Variants in JAKMIP1 observed in about 807,000 individuals in gnomAD.
JAKMIP1 encodes janus kinase and microtubule interacting protein 1, also known as janus kinase and microtubule-interacting protein 1.
In JAKMIP1, 33 loss-of-function variants were observed where a neutral mutation model predicts 113.0. The ratio of observed to expected loss-of-function variants is 0.29; its 90% CI spans 0.22 to 0.39. The LOEUF (loss-of-function observed/expected upper bound fraction) is 0.39, where lower values mean the gene tolerates loss of function less well. Among genes scored for constraint, JAKMIP1 ranks in the 10% least tolerant of loss-of-function variants. The pLI is 1.00. For synonymous variants in JAKMIP1, 480 were observed against 459.9 expected, an observed-to-expected ratio of 1.04 and a Z score of -0.56; for missense variants, 813 against 1,080.5, an observed-to-expected ratio of 0.75 and a Z score of 3.47.
Position 6,062,182 on chromosome 4 carries a change from C to T in JAKMIP1, c.1560+130G>A, listed in dbSNP as rs902051866. On this transcript the variant is annotated intron_variant, in intron 10 of 20. Transcript: ENST00000409021. ...GAATGTCACCACAGCAGAGACCTTG[C>T]TATGGGTTCCCCACCACCTCTCAGA... 2.7e-5 allele frequency: 26 copies of T among 955,972 alleles called. No individual in the cohort carries two copies. In the Middle Eastern group the frequency reaches 9.8e-4, roughly 36 times the overall value. The allele number at this position is 955,972 out of a possible 1,614,324, so 59.2% of individuals were successfully genotyped here.
chr4:6,152,223 G>C (rs1030063674), intron 1 of JAKMIP1, among the ~76,000 whole-genome samples: 1 of 152,184 alleles, frequency 6.6e-6, no homozygotes, highest in Admixed American at 6.5e-5. Context: ...ACCAGCAAAC[G>C]CTGCTCTAAA....
rs747513456 is a variant in JAKMIP1, at chr4:6,167,709, T to C, written c.-148+32544A>G. 1.3e-5 allele frequency among the ~76,000 whole-genome samples: 2 copies of C among 152,196 alleles called. No homozygotes were observed. Among genetic ancestry groups the C allele is most frequent in the Admixed American group, 6.5e-5 (1 of 15,284 alleles). Reference sequence around the variant, plus strand: ...CGTGTCAGCTCCCTCCACCCCACCATGAATGTACTGCTATCCTCACTTTAC... The same window carrying C: ...CGTGTCAGCTCCCTCCACCCCACCACGAATGTACTGCTATCCTCACTTTAC... On this transcript the variant is annotated intron_variant, in intron 1 of 20. Transcript: ENST00000409021. This position sits in a 1 kb window ranked among gnomAD's most constrained non-coding sequence, Gnocchi z 5.3.
Position 6,042,320 on chromosome 4 carries a change from C to G in JAKMIP1, c.2029-93G>C. Reference sequence around the variant, plus strand: ...TCACAGGTGTGTGAATTTCATAGATCGGCTTCCTCAGAGTGTGCTCAGGAA... The same window carrying G: ...TCACAGGTGTGTGAATTTCATAGATGGGCTTCCTCAGAGTGTGCTCAGGAA... On this transcript the variant is annotated intron_variant, in intron 16 of 20. Transcript: ENST00000409021. The surrounding 1 kb of genome is among the most constrained non-coding windows in gnomAD (Gnocchi z 5.2). The G allele has an allele frequency of 9.9e-7, 1 of 1,005,832 alleles. No individual in the cohort carries two copies. The highest frequency in any genetic ancestry group is 1.3e-5 in the South Asian group (1 of 77,086). The allele number at this position is 1,005,832 out of a possible 1,614,324, so 62.3% of individuals were successfully genotyped here. A position where few individuals can be genotyped will look rare whatever the true frequency, so the allele number is the denominator to read the frequency against.
chr4:6,168,100 C>T lies in JAKMIP1; in HGVS notation c.-148+32153G>A, dbSNP rs1723882547. On this transcript the variant is annotated intron_variant, in intron 1 of 20. Coordinates refer to ENST00000409021, the MANE Select transcript of JAKMIP1 (RefSeq NM_001099433.2). This position sits in a 1 kb window ranked among gnomAD's most constrained non-coding sequence, Gnocchi z 4.6. The stretch of plus-strand genomic sequence containing the variant: ...AAAACCGCAGTGAGACGGCACCACA[C>T]ACCACCCAGGACGGCTGCAATCAAA... Among the ~76,000 whole-genome samples the T allele has an allele frequency of 6.6e-6, 1 of 152,218 alleles. No individual in the cohort carries two copies. The highest frequency in any genetic ancestry group is 2.4e-5 in the African/African-American group (1 of 41,450).
chr4:6,174,287 C>T (rs1725081197), intron 1 of JAKMIP1, among the ~76,000 whole-genome samples: 1 of 152,170 alleles, frequency 6.6e-6, no homozygotes, highest in Admixed American at 6.5e-5. Flanking sequence ...TTGTGAACCA[C>T]AGACTCCAAA....
At chr4:6,161,415 G>A (rs901051065) in intron 1 of JAKMIP1, among the ~76,000 whole-genome samples, 2 of 152,200 alleles carry the variant, frequency 1.3e-5, no homozygotes, top group Admixed American at 1.3e-4. Context: ...ATAGCTGGCA[G>A]GTGTGCTAAA....
At chr4:6,119,308 C>T (rs1020266101) in intron 1 of JAKMIP1, among the ~76,000 whole-genome samples, 3 of 151,664 alleles carry the variant, frequency 2.0e-5, no homozygotes, top group African/African-American at 7.3e-5. Context: ...CTTTGGGAGG[C>T]CGAGGCAGGT....
rs1719049143 is a variant in JAKMIP1, at chr4:6,135,163, A to T, written c.-147-22166T>A. On this transcript the variant is annotated intron_variant, in intron 1 of 20. Transcript: ENST00000409021. This position sits in a 1 kb window ranked among gnomAD's most constrained non-coding sequence, Gnocchi z 4.9. The stretch of plus-strand genomic sequence containing the variant: ...TGACTCGTGTCCCTCCAAAATTCTT[A>T]TGTTGAATCCCCAACCCCCAGCACC... Among the ~76,000 whole-genome samples, 1 of 152,074 alleles carries T rather than the reference A, an allele frequency of 6.6e-6. No homozygotes were observed. Among genetic ancestry groups the T allele is most frequent in the Non-Finnish European group, 1.5e-5 (1 of 68,008 alleles).
chr4:6,182,724 G>A (rs1178721314), intron 1 of JAKMIP1, among the ~76,000 whole-genome samples: 1 of 151,780 alleles, frequency 6.6e-6, no homozygotes, highest in Non-Finnish European at 1.5e-5. Flanking sequence ...AAGGCCACAT[G>A]TGTGATGACA....
chr4:6,048,231 G>C (rs1429155771), intron 16 of JAKMIP1, among the ~76,000 whole-genome samples: 1 of 152,204 alleles, frequency 6.6e-6, no homozygotes, highest in Non-Finnish European at 1.5e-5. Flanking sequence ...CTGCAGGTAG[G>C]AGGGTATCTG....
At chr4:6,092,360 G>A (rs150139825) in intron 3 of JAKMIP1, among the ~76,000 whole-genome samples, 115 of 152,326 alleles carry the variant, frequency 7.5e-4, no homozygotes, top group African/African-American at 2.2e-3. Flanking sequence ...GACACTGGGC[G>A]AAGAACCATT....
intron 1 of JAKMIP1, among the ~76,000 whole-genome samples, chr4:6,125,158 T>C (rs1337852162): frequency 6.6e-6 from 1 of 152,078 alleles, no homozygotes; most frequent in Non-Finnish European, 1.5e-5. Flanking sequence ...ATGGTGTGTA[T>C]GGTGTGTGTG....
Position 6,141,444 on chromosome 4 carries a change from T to G in JAKMIP1, c.-147-28447A>C, listed in dbSNP as rs1720138030. Among the ~76,000 whole-genome samples the G allele has an allele frequency of 6.6e-6, 1 of 151,844 alleles. No homozygotes were observed. The highest frequency in any genetic ancestry group is 2.1e-4 in the South Asian group (1 of 4,806). Reference sequence around the variant, plus strand: ...GAGTGAAACCCTGTCTCAAAATAAATAAATAAATAAATACCAAAAAACAAA... The same window carrying G: ...GAGTGAAACCCTGTCTCAAAATAAAGAAATAAATAAATACCAAAAAACAAA... On this transcript the variant is annotated intron_variant, in intron 1 of 20. Coordinates refer to ENST00000409021, the MANE Select transcript of JAKMIP1 (RefSeq NM_001099433.2). The surrounding 1 kb of genome is among the most constrained non-coding windows in gnomAD (Gnocchi z 9.4).
intron 1 of JAKMIP1, among the ~76,000 whole-genome samples, chr4:6,123,040 T>G (rs1244200163): frequency 6.6e-6 from 1 of 152,246 alleles, no homozygotes; most frequent in Non-Finnish European, 1.5e-5. Flanking sequence ...ACAAAACCCT[T>G]TAAACGAAAG....
At chr4:6,071,975 A>G (rs1578153187) in intron 8 of JAKMIP1, among the ~76,000 whole-genome samples, 1 of 152,218 alleles carries the variant, frequency 6.6e-6, no homozygotes, top group African/African-American at 2.4e-5. Context: ...TCACTCCACC[A>G]AAAAGAAAAA....
chr4:6,064,732 A>G lies in JAKMIP1; in HGVS notation c.1431+148T>C. 2 of 1,002,422 alleles carry G rather than the reference A, an allele frequency of 2.0e-6. No individual in the cohort carries two copies. The highest frequency in any genetic ancestry group is 2.9e-6 in the Non-Finnish European group (2 of 689,946). The allele number at this position is 1,002,422 out of a possible 1,614,324, so 62.1% of individuals were successfully genotyped here. ...GTGGGGCCCGCCTTCCCTTCACACC[A>G]TTGGCTTTGATAATGCACTGGTAGG... On this transcript the variant is annotated intron_variant, in intron 9 of 20. Transcript: ENST00000409021. This position sits in a 1 kb window ranked among gnomAD's most constrained non-coding sequence, Gnocchi z 4.3.
At chr4:6,085,324 A>G (rs1721140774) in intron 4 of JAKMIP1, 96 bp downstream of exon 4, 52 of 1,003,318 alleles carry the variant, frequency 5.2e-5, no homozygotes, top group Middle Eastern at 3.1e-4. Context: ...ATGAGTGAAT[A>G]CATGCCACCT....
At position 6,140,843 on chromosome 4, in the gene JAKMIP1, G is replaced by C. The variant is rs186407716; in HGVS notation, c.-147-27846C>G. ...AATTACTGACCTCAGGTCAGCCACA[G>C]GCACTGGTTGGAGCTCATCTGTCCT... On this transcript the variant is annotated intron_variant, in intron 1 of 20. Transcript: ENST00000409021. This position sits in a 1 kb window ranked among gnomAD's most constrained non-coding sequence, Gnocchi z 9.4. Among the ~76,000 whole-genome samples the C allele has an allele frequency of 6.6e-6, 1 of 152,320 alleles. No individual in the cohort carries two copies. Among genetic ancestry groups the C allele is most frequent in the African/African-American group, 2.4e-5 (1 of 41,546 alleles).
In JAKMIP1 at chr4:6,079,765, C is replaced by T. The variant is rs529793972; in HGVS notation, c.1242+407G>A. Among the ~76,000 whole-genome samples, 80 of 152,274 alleles carry T rather than the reference C, an allele frequency of 5.3e-4. 1 individual carries two copies. Among genetic ancestry groups the T allele is most frequent in the South Asian group, 1.5e-3 (7 of 4,820 alleles). On this transcript the variant is annotated intron_variant, in intron 7 of 20. Coordinates refer to ENST00000409021, the MANE Select transcript of JAKMIP1 (RefSeq NM_001099433.2). The stretch of plus-strand genomic sequence containing the variant: ...TGGTTATAAGGTTCAAGTTTGTGGG[C>T]CTAAACTCACAGTCTGCAACTGCTA...
Sources: gnomAD v4.1 joint callset for allele counts (sites outside exome capture counted in the v4.1 genomes callset) on GRCh38, gnomAD v4.1.1 for gene constraint, Gnocchi (gnomAD v3.1) non-coding constraint, MANE v1.5 for transcripts, NCBI Gene and HGNC (gene_info 2026-07-23, HGNC 2026-07-21) for gene names.